The following PISD variants were observed in gnomAD, a reference collection of about 807,000 sequenced individuals.
The protein encoded by PISD is phosphatidylserine decarboxylase proenzyme, mitochondrial.
Under a neutral mutation model 43.5 loss-of-function variants are expected in PISD, and 31 were observed. The observed-to-expected ratio is 0.71, with a 90% CI of 0.54 to 0.96. The LOEUF is 0.96. PISD is among the 40% of genes least tolerant of loss of function. The pLI, the probability that PISD is intolerant of heterozygous loss-of-function variation, is 0.00. For missense variants in PISD, 523 were observed against 548.4 expected, an observed-to-expected ratio of 0.95 and a Z score of 0.46; for synonymous variants, 259 against 228.7, an observed-to-expected ratio of 1.13 and a Z score of -1.20.
At chr22:31,627,050 C>G (rs980456830) in intron 3 of PISD, among the ~76,000 whole-genome samples, 2 of 152,282 alleles carry the variant, frequency 1.3e-5, no homozygotes, top group African/African-American at 2.4e-5. Context: ...GGCAAACCCT[C>G]CTCAGCCACA....
chr22:31,628,963 T>A (rs1474848062), intron 3 of PISD: 1 of 985,138 alleles, frequency 1.0e-6, no homozygotes, highest in Non-Finnish European at 1.2e-6. Context: ...GAACCCAAAC[T>A]TGCGCGGAGT....
At chr22:31,649,914 A>T (rs1393302725) in intron 2 of PISD, among the ~76,000 whole-genome samples, 2 of 152,172 alleles carry the variant, frequency 1.3e-5, no homozygotes, top group Middle Eastern at 3.2e-3. Flanking sequence ...AAGGAATGCC[A>T]GAGATTGCCA....
At chr22:31,648,924 G>C (rs747573186) in intron 2 of PISD, among the ~76,000 whole-genome samples, 34 of 152,284 alleles carry the variant, frequency 2.2e-4, no homozygotes, top group Admixed American at 5.2e-4. Context: ...TCACCAACAG[G>C]TCCAGAACTT....
At chr22:31,662,218 T>G (rs1009509084), upstream of PISD, 9 of 1,602,322 alleles carry the variant, frequency 5.6e-6, no homozygotes, top group African/African-American at 8.0e-5. Context: ...TCTTGTCTGC[T>G]CCTTCTCAGC....
rs62239173 is a variant in PISD at position 31,652,963 on chromosome 22, C to T, written c.66-2185G>A. ...TTGAAGTGGGAGGATCGCCTGAACCCAGGAGGCAGAGGTTACAGTGAGCCG... is the reference window on the plus strand; with the variant it reads ...TTGAAGTGGGAGGATCGCCTGAACCTAGGAGGCAGAGGTTACAGTGAGCCG... On this transcript the variant is annotated intron_variant, in intron 1 of 7. Transcript: ENST00000439502. 1.5e-3 allele frequency among the ~76,000 whole-genome samples: 226 copies of T among 151,032 alleles called. 1 individual carries two copies. Among genetic ancestry groups the T allele is most frequent in the Middle Eastern group, 3.4e-3 (1 of 292 alleles).
At chr22:31,655,091 A>C (rs920121062) in intron 1 of PISD, among the ~76,000 whole-genome samples, 4 of 151,080 alleles carry the variant, frequency 2.6e-5, no homozygotes, top group African/African-American at 7.3e-5. Context: ...AAAAAAAAAA[A>C]AAAAAAAAAG....
chr22:31,621,922 C>T (rs200830751), intron 3 of PISD, 37 bp from the exon 4 acceptor site: 70 of 1,480,592 alleles, frequency 4.7e-5, no homozygotes, highest in Non-Finnish European at 6.2e-5. Flanking sequence ...GTTGACCACA[C>T]TGCCCCAGCT....
At chr22:31,655,219 G>C (rs765730407) in intron 1 of PISD, among the ~76,000 whole-genome samples, 6 of 151,944 alleles carry the variant, frequency 3.9e-5, no homozygotes, top group Non-Finnish European at 8.8e-5. Flanking sequence ...CACTGAGAAT[G>C]CTGGAGTTTA....
chr22:31,625,831 G>A (rs967215262), intron 3 of PISD: 38 of 1,594,682 alleles, frequency 2.4e-5, no homozygotes, highest in Admixed American at 3.5e-5. Flanking sequence ...GGCGCAGGGA[G>A]GGCGGGGCGA....
chr22:31,648,627 AC>A (rs2073948459), intron 2 of PISD, among the ~76,000 whole-genome samples: 2 of 150,780 alleles, frequency 1.3e-5, no homozygotes, highest in African/African-American at 4.9e-5. Context: ...AGACTGCACC[AC>A]TGCACTCCAG....
chr22:31,648,354 AG>A, intron 2 of PISD, 78 bp from the exon 3 acceptor site: 1 of 1,330,518 alleles, frequency 7.5e-7, no homozygotes, highest in East Asian at 2.5e-5. Flanking sequence ...CACCAACAGG[AG>A]GGTCAGGAAA....
At chr22:31,629,230 G>A in intron 3 of PISD, 4 of 985,338 alleles carry the variant, frequency 4.1e-6, no homozygotes, top group Non-Finnish European at 4.8e-6. Flanking sequence ...AGATTGTTGT[G>A]CGTGAGGGGT....
At chr22:31,649,988 A>G (rs1267482540) in intron 2 of PISD, among the ~76,000 whole-genome samples, 1 of 152,212 alleles carries the variant, frequency 6.6e-6, no homozygotes, top group East Asian at 1.9e-4. Context: ...CTCCAAAGGA[A>G]GCAACCCTGA....
At chr22:31,651,824 A>G (rs1216823101) in intron 1 of PISD, among the ~76,000 whole-genome samples, 1 of 152,196 alleles carries the variant, frequency 6.6e-6, no homozygotes, top group Non-Finnish European at 1.5e-5. Flanking sequence ...GAAATAAGAC[A>G]TATTCCCAGT....
intron 3 of PISD, among the ~76,000 whole-genome samples, chr22:31,634,470 C>T (rs2073338437): frequency 6.6e-6 from 1 of 152,256 alleles, no homozygotes; most frequent in South Asian, 2.1e-4. Flanking sequence ...CTGGCACATT[C>T]AGAGCCCCAC....
chr22:31,628,986 G>GAATAGGAGAC (rs1304511373), intron 3 of PISD: 2 of 985,318 alleles, frequency 2.0e-6, no homozygotes, highest in Admixed American at 6.1e-5. Context: ...CCGGCCCTGT[G>GAATAGGAGAC]AATAGGAAAC....
chr22:31,634,888 C>T (rs1378140333), intron 3 of PISD, among the ~76,000 whole-genome samples: 1 of 150,406 alleles, frequency 6.6e-6, no homozygotes, highest in Non-Finnish European at 1.5e-5. Context: ...GCTTTTAGGC[C>T]TGGCACGGTG....
intron 5 of PISD, 83 bp downstream of exon 5, chr22:31,621,251 A>G: frequency 6.2e-7 from 1 of 1,609,942 alleles, no homozygotes; most frequent in South Asian, 1.1e-5. Context: ...TGCCAGCCTC[A>G]GTTCCTTCCC....
chr22:31,634,698 T>C (rs1015802984), intron 3 of PISD, among the ~76,000 whole-genome samples: 4 of 149,250 alleles, frequency 2.7e-5, no homozygotes, highest in Non-Finnish European at 4.4e-5. Flanking sequence ...ATTAGCCAGG[T>C]GTGGTGGTGC....
Sources: gnomAD v4.1 joint callset for allele counts (sites outside exome capture counted in the v4.1 genomes callset) on GRCh38, gnomAD v4.1.1 for gene constraint, MANE v1.5 for transcripts, NCBI Gene and HGNC (gene_info 2026-07-23, HGNC 2026-07-21) for gene names.